Variants in PIGN observed in about 807,000 individuals in gnomAD.
PIGN encodes the protein phosphatidylinositol glycan anchor biosynthesis class N.
PIGN carries 117 observed loss-of-function variants against 125.4 expected under a neutral mutation model. That is an observed-to-expected ratio of 0.93 (90% CI 0.80 to 1.09). The LOEUF is 1.09. PIGN is among the 50% of genes least tolerant of loss of function. The probability of loss-of-function intolerance (pLI) is 0.00; values close to 1 mark genes in which losing one functional copy is unlikely to be tolerated. For missense variants in PIGN, 1,075 were observed against 1,094.9 expected, an observed-to-expected ratio of 0.98 and a Z score of 0.26; for synonymous variants, 392 against 377.8, an observed-to-expected ratio of 1.04 and a Z score of -0.44.
intron 7 of PIGN, among the ~76,000 whole-genome samples, chr18:62,150,769 G>A (rs565768581): frequency 8.5e-5 from 13 of 152,098 alleles, no homozygotes; most frequent in African/African-American, 2.4e-4. Context: ...GCGCAATCTC[G>A]GCTCACTGCA....
At chr18:62,171,477 A>G (rs2037343448) in intron 1 of PIGN, among the ~76,000 whole-genome samples, 1 of 152,102 alleles carries the variant, frequency 6.6e-6, no homozygotes, top group Non-Finnish European at 1.5e-5. Flanking sequence ...TGCTTTTTAT[A>G]TTATCTAGAA....
At position 62,101,081 on chromosome 18, in the gene PIGN, T is replaced by A; in HGVS notation, c.2071A>T (p.Thr691Ser). ...PLMNQIISWA[T>S]LASSLVVPLL... is the part of the protein sequence containing the mutation. ...GGTTTGAGTGGCCTCTTACCTAATG[T>A]TGCCCAGCTAATAATTTGATTCATG... The change falls in exon 22 of 31, where the codon ACA (threonine) becomes TCA (serine). Residue 691 changes from threonine to serine, a missense_variant. By Grantham distance (58) the Thr-to-Ser change is moderately conservative. Coordinates refer to ENST00000640252, the MANE Select transcript of PIGN (RefSeq NM_176787.5). 6.3e-7 allele frequency: 1 copy of A among 1,590,552 alleles called. No individual in the cohort carries two copies. The highest frequency in any genetic ancestry group is 8.6e-7 in the Non-Finnish European group (1 of 1,158,650).
chr18:62,118,148 T>TA (rs2146690053), intron 14 of PIGN, among the ~76,000 whole-genome samples: 1 of 152,212 alleles, frequency 6.6e-6, no homozygotes, highest in Non-Finnish European at 1.5e-5. Flanking sequence ...TATAGATAGA[T>TA]AGATACATAA....
At chr18:62,144,926 G>A (rs148211369) in intron 10 of PIGN, among the ~76,000 whole-genome samples, 148 of 150,186 alleles carry the variant, frequency 9.9e-4, no homozygotes, top group African/African-American at 3.5e-3. Context: ...CGACTGGCCT[G>A]TGAACCTGTG....
intron 16 of PIGN, among the ~76,000 whole-genome samples, chr18:62,112,334 T>C (rs753698388): frequency 5.9e-5 from 9 of 152,206 alleles, no homozygotes; most frequent in Non-Finnish European, 1.0e-4. Flanking sequence ...CTGCAGACTA[T>C]TATTAAAAAT....
chr18:62,145,017 G>A (rs199640537), intron 10 of PIGN, among the ~76,000 whole-genome samples: 3 of 130,370 alleles, frequency 2.3e-5, no homozygotes, highest in Admixed American at 8.0e-5. Context: ...GCGGGGGGGG[G>A]GGGGCAGGGT....
At chr18:62,108,904 T>A (rs1242721433) in intron 17 of PIGN, among the ~76,000 whole-genome samples, 2 of 152,174 alleles carry the variant, frequency 1.3e-5, no homozygotes, top group Non-Finnish European at 2.9e-5. Context: ...GAAATATTTT[T>A]AATACATCAT....
chr18:62,086,680 T>C (rs1157717021), intron 25 of PIGN, among the ~76,000 whole-genome samples: 1 of 151,766 alleles, frequency 6.6e-6, no homozygotes, highest in Non-Finnish European at 1.5e-5. Flanking sequence ...GTAGCAAATC[T>C]TTTAGGCTAG....
chr18:62,178,341 C>T (rs1329277686), intron 1 of PIGN, among the ~76,000 whole-genome samples: 1 of 151,796 alleles, frequency 6.6e-6, no homozygotes, highest in Non-Finnish European at 1.5e-5. Context: ...TGTCACTCTG[C>T]CCCCTTATGC....
At chr18:62,148,856 T>C (rs998540401) in intron 7 of PIGN, among the ~76,000 whole-genome samples, 1 of 152,114 alleles carries the variant, frequency 6.6e-6, no homozygotes, top group African/African-American at 2.4e-5. Flanking sequence ...CTTCAAATCA[T>C]GTAACAGAAA....
chr18:62,131,606 T>G (rs2035741392), intron 14 of PIGN, among the ~76,000 whole-genome samples: 2 of 152,176 alleles, frequency 1.3e-5, no homozygotes, highest in Non-Finnish European at 2.9e-5. Flanking sequence ...ATGGATGTTT[T>G]ATGACTTTTA....
intron 22 of PIGN, among the ~76,000 whole-genome samples, chr18:62,098,554 A>G (rs1048014232): frequency 6.6e-6 from 1 of 152,240 alleles, no homozygotes; most frequent in African/African-American, 2.4e-5. Context: ...AAGGGGAAAT[A>G]AGAGTCTCTA....
At chr18:62,174,179 A>T (rs2037439212) in intron 1 of PIGN, 1 of 150,174 alleles carries the variant, frequency 6.7e-6, no homozygotes, top group South Asian at 2.1e-4. Flanking sequence ...ATGCCACTGC[A>T]CTCCAGCCTG....
chr18:62,032,028 C>T (rs145019529), intron 23 of PIGN, among the ~76,000 whole-genome samples: 69 of 152,308 alleles, frequency 4.5e-4, no homozygotes, highest in Non-Finnish European at 8.4e-4. Context: ...TCACTCTCAG[C>T]CTCCAGCTTC....
chr18:62,032,925 C>G (rs745387443), intron 23 of PIGN, among the ~76,000 whole-genome samples: 23 of 152,146 alleles, frequency 1.5e-4, no homozygotes, highest in Non-Finnish European at 3.2e-4. Context: ...CAAACACATT[C>G]AATGTATGCA....
intron 14 of PIGN, among the ~76,000 whole-genome samples, chr18:62,133,670 T>C (rs117908010): frequency 0.025 from 3,845 of 152,296 alleles, 57 homozygotes; most frequent in Middle Eastern, 0.085. Flanking sequence ...ACAATATACA[T>C]TTCTCATTAT....
At chr18:62,102,658 T>C (rs980361141) in intron 21 of PIGN, 136 bp downstream of exon 21, 4 of 500,322 alleles carry the variant, frequency 8.0e-6, no homozygotes, top group Non-Finnish European at 1.4e-5. Context: ...GCATCTTAAA[T>C]GAAAGCTTTC....
intron 1 of PIGN, among the ~76,000 whole-genome samples, chr18:62,173,240 A>C (rs2037400518): frequency 6.6e-6 from 1 of 152,126 alleles, no homozygotes; most frequent in Non-Finnish European, 1.5e-5. Context: ...TTAAAACGCA[A>C]CTTGGTGTCT....
chr18:62,042,469 G>GT lies in PIGN; in HGVS notation c.*3386dup, dbSNP rs2030415854. ...AGTTCTGAAGGTAGAAAGTTGAGCAGTAACTGTAACCCGTTTTAAGTGTAC... is the reference window on the plus strand; with the variant it reads ...AGTTCTGAAGGTAGAAAGTTGAGCAGTTAACTGTAACCCGTTTTAAGTGTAC... On this transcript the variant is annotated 3_prime_UTR_variant, in exon 31 of 31. Coordinates refer to ENST00000640252, the MANE Select transcript of PIGN (RefSeq NM_176787.5). The GT allele has an allele frequency of 6.6e-6, 1 of 152,210 alleles. No homozygotes were observed. Among genetic ancestry groups the GT allele is most frequent in the Non-Finnish European group, 1.5e-5 (1 of 68,042 alleles). 9.4% of individuals were successfully genotyped at this position (152,210 alleles called of 1,614,324 possible).
Sources: gnomAD v4.1 joint callset for allele counts (sites outside exome capture counted in the v4.1 genomes callset) on GRCh38, gnomAD v4.1.1 for gene constraint, MANE v1.5 for transcripts, NCBI Gene and HGNC (gene_info 2026-07-23, HGNC 2026-07-21) for gene names.